MCM5: variants seen among roughly 807,000 people sequenced by gnomAD.
MCM5 encodes the protein DNA replication licensing factor MCM5.
Under a neutral mutation model 79.9 loss-of-function variants are expected in MCM5, and 46 were observed. The ratio of observed to expected loss-of-function variants is 0.58; its 90% CI spans 0.45 to 0.74. The LOEUF (loss-of-function observed/expected upper bound fraction) is 0.74. Ranked by LOEUF, MCM5 falls within the 30% of genes least tolerant of loss-of-function variation. The pLI, the probability that MCM5 is intolerant of heterozygous loss-of-function variation, is 0.00. For synonymous variants in MCM5, 404 were observed against 390.5 expected (o/e 1.03, Z -0.41); for missense variants, 883 against 1,017.0 (o/e 0.87, Z 1.79).
chr22:35,449,537 G>T, the MCM5 span, among the ~76,000 whole-genome samples: 27,638 of 150,308 alleles, frequency 0.18, 5,288 homozygotes, highest in African/African-American at 0.5. Flanking sequence ...GATTGTGGCC[G>T]CTGTGTCCCA....
chr22:35,433,646 G>T, the MCM5 span, among the ~76,000 whole-genome samples: 4 of 152,214 alleles, frequency 2.6e-5, no homozygotes, highest in African/African-American at 9.6e-5. Context: ...CTGTCGTCCT[G>T]CCCCTTCTTG....
chr22:35,439,085 A>G, the MCM5 span, among the ~76,000 whole-genome samples: 2 of 151,246 alleles, frequency 1.3e-5, no homozygotes, highest in South Asian at 4.2e-4. Context: ...CCATCCATCC[A>G]TCCACATATT....
the MCM5 span, among the ~76,000 whole-genome samples, chr22:35,452,983 G>A: frequency 3.3e-5 from 5 of 152,112 alleles, no homozygotes; most frequent in African/African-American, 1.2e-4. Flanking sequence ...ACTGAGGCTG[G>A]GAGGCATGGA....
intron 4 of MCM5, among the ~76,000 whole-genome samples, chr22:35,405,410 A>C (rs889150824): frequency 6.6e-6 from 1 of 152,092 alleles, no homozygotes; most frequent in Non-Finnish European, 1.5e-5. Flanking sequence ...TCTGTCGCCC[A>C]GGATGGAGTG....
intron 9 of MCM5, among the ~76,000 whole-genome samples, chr22:35,414,372 C>T (rs1932477498): frequency 6.6e-6 from 1 of 152,154 alleles, no homozygotes; most frequent in South Asian, 2.1e-4. Flanking sequence ...GTAATACCAG[C>T]GCTTTGGGAG....
At chr22:35,405,377 T>C (rs1294346778) in intron 4 of MCM5, among the ~76,000 whole-genome samples, 1 of 151,576 alleles carries the variant, frequency 6.6e-6, no homozygotes, top group African/African-American at 2.4e-5. Flanking sequence ...ATGAATCTCT[T>C]TTTTTTTGAG....
In MCM5 at chr22:35,416,720, A is replaced by C. The variant is rs1351641110; in HGVS notation, c.1496A>C (p.Lys499Thr). ...NSVFGRWDET[K>T]GEDNIDFMPT... ...GTGTTCGGCCGCTGGGATGAGACGA[A>C]GGGGGAGGACAACATTGACTTCATG... The change falls in exon 12 of 17, where the codon AAG (lysine) becomes ACG (threonine). Residue 499 changes from lysine to threonine, a missense_variant. By Grantham distance (78) the Lys-to-Thr change is moderately conservative. Transcript: ENST00000216122. 6.2e-7 allele frequency: 1 copy of C among 1,614,116 alleles called. No individual in the cohort carries two copies. Among genetic ancestry groups the C allele is most frequent in the Admixed American group, 1.7e-5 (1 of 60,004 alleles).
chr22:35,420,682 GGAAA>G (rs1181895608), intron 14 of MCM5, among the ~76,000 whole-genome samples: 3 of 152,218 alleles, frequency 2.0e-5, no homozygotes, highest in Non-Finnish European at 4.4e-5. Flanking sequence ...AGGACAGGAA[GGAAA>G]GAGAGCTTCC....
At chr22:35,409,209 C>A (rs773177099) in intron 6 of MCM5, among the ~76,000 whole-genome samples, 8 of 152,232 alleles carry the variant, frequency 5.3e-5, no homozygotes, top group Admixed American at 3.9e-4. Context: ...ATGATCCGCC[C>A]GCCTTGGCCT....
chr22:35,416,511 CTGTGTGTGTGTG>C (rs133421), intron 11 of MCM5, 107 bp downstream of exon 11: 15,150 of 1,022,236 alleles, frequency 0.015, 94 homozygotes, highest in African/African-American at 0.029. Flanking sequence ...GGCCTAGAAT[CTGTGTGTGTGTG>C]TGTGTGTGTG....
the MCM5 span, among the ~76,000 whole-genome samples, chr22:35,433,053 G>C: frequency 6.6e-6 from 1 of 152,124 alleles, no homozygotes; most frequent in South Asian, 2.1e-4. Context: ...TCTCACCTCA[G>C]CTCCTGGAGT....
At chr22:35,420,137 A>C in intron 14 of MCM5, 125 bp downstream of exon 14, 2 of 1,135,020 alleles carry the variant, frequency 1.8e-6, no homozygotes, top group Non-Finnish European at 2.4e-6. Flanking sequence ...AGCTCTGGGC[A>C]GGAAGAGTCC....
At chr22:35,400,322 C>T in intron 1 of MCM5, 109 bp from the exon 2 acceptor site, 3 of 1,251,914 alleles carry the variant, frequency 2.4e-6, no homozygotes, top group South Asian at 1.2e-5. Flanking sequence ...TCCGGGAGCG[C>T]GGCCGGGGGT....
chr22:35,424,145 C>A lies in MCM5; in HGVS notation c.2104-9C>A. The A allele has an allele frequency of 1.3e-6, 2 of 1,543,112 alleles. No individual in the cohort carries two copies. Among genetic ancestry groups the A allele is most frequent in the Non-Finnish European group, 1.8e-6 (2 of 1,140,416 alleles). On this transcript the variant is annotated splice_polypyrimidine_tract_variant and intron_variant, in intron 16 of 16. Coordinates refer to ENST00000216122, the MANE Select transcript of MCM5 (RefSeq NM_006739.4). ...GCACGTGCCGTTAGCCAGCCATGTG[C>A]TCCCACAGAAATACCCGGAGCACGC...
At chr22:35,426,096 TC>T (rs1375419169), downstream of MCM5, among the ~76,000 whole-genome samples, 1 of 151,996 alleles carries the variant, frequency 6.6e-6, no homozygotes, top group African/African-American at 2.4e-5. Flanking sequence ...TGGGGTAGGT[TC>T]CCAGGGGTAG....
chr22:35,434,495 T>C, the MCM5 span, among the ~76,000 whole-genome samples: 1 of 152,218 alleles, frequency 6.6e-6, no homozygotes, highest in South Asian at 2.1e-4. Flanking sequence ...CATTATCTCC[T>C]GGACCAATCA....
chr22:35,423,210 A>AC lies in MCM5; in HGVS notation c.1976-3dup, dbSNP rs749491729. 2 of 1,568,116 alleles carry AC rather than the reference A, an allele frequency of 1.3e-6. No homozygotes were observed. The highest frequency in any genetic ancestry group is 2.3e-5 in the South Asian group (2 of 86,114). On this transcript the variant is annotated splice_region_variant and splice_polypyrimidine_tract_variant and intron_variant, in intron 15 of 16. Transcript: ENST00000216122. ...CCGGCTGCCTCACTTCTCCATGCCC[A>AC]CAGGGGTGGAGGGCTTCACCAGCCA...
intron 11 of MCM5, 35 bp from the exon 12 acceptor site, chr22:35,416,603 T>C (rs759719214): frequency 6.3e-7 from 1 of 1,585,378 alleles, no homozygotes; most frequent in Non-Finnish European, 8.6e-7. Flanking sequence ...ATCTTTGCCA[T>C]CTCCTCCCCC....
rs770592702 is a variant in MCM5, at chr22:35,416,334, C to T, written c.1348-5C>T. 3.1e-6 allele frequency: 5 copies of T among 1,613,662 alleles called. No homozygotes were observed. In the South Asian group the frequency reaches 5.5e-5, roughly 18 times the overall value. Reference sequence around the variant, plus strand: ...TCTGATGATATTTCTCTCTTCCCCACTTAGATGCGAGAAGATGACCGTGTG... The same window carrying T: ...TCTGATGATATTTCTCTCTTCCCCATTTAGATGCGAGAAGATGACCGTGTG... On this transcript the variant is annotated splice_region_variant and splice_polypyrimidine_tract_variant and intron_variant, in intron 10 of 16. Transcript: ENST00000216122.
Sources: gnomAD v4.1 joint callset for allele counts (sites outside exome capture counted in the v4.1 genomes callset) on GRCh38, gnomAD v4.1.1 for gene constraint, MANE v1.5 for transcripts, NCBI Gene and HGNC (gene_info 2026-07-23, HGNC 2026-07-21) for gene names.